Variants in PCLO observed in about 807,000 individuals in gnomAD.
The protein encoded by PCLO is piccolo presynaptic cytomatrix protein.
PCLO carries 82 observed loss-of-function variants against 427.5 expected under a neutral mutation model. The ratio of observed to expected loss-of-function variants is 0.19; its 90% confidence interval spans 0.16 to 0.23. The LOEUF (loss-of-function observed/expected upper bound fraction) is 0.23, where lower values mean the gene tolerates loss of function less well. Ranked by LOEUF, PCLO falls within the 10% of genes least tolerant of loss-of-function variation. PCLO has a pLI of 1.00. For synonymous variants in PCLO, 2,357 were observed against 2,155.4 expected (o/e 1.09, Z -2.59); for missense variants, 6,239 against 6,115.9 (o/e 1.02, Z -0.67).
intron 3 of PCLO, among the ~76,000 whole-genome samples, chr7:83,006,721 T>C (rs1787954703): frequency 6.6e-6 from 1 of 151,510 alleles, no homozygotes; most frequent in Admixed American, 6.6e-5. Flanking sequence ...ACTTTATAGA[T>C]GGAAATTCCT....
At chr7:82,853,721 T>C (rs1792728129) in intron 10 of PCLO, among the ~76,000 whole-genome samples, 1 of 152,162 alleles carries the variant, frequency 6.6e-6, no homozygotes, top group South Asian at 2.1e-4. Flanking sequence ...ACTGTTGACA[T>C]GTTCTTTTCA....
At chr7:82,895,117 T>A (rs1793870230) in intron 9 of PCLO, among the ~76,000 whole-genome samples, 1 of 151,952 alleles carries the variant, frequency 6.6e-6, no homozygotes, top group East Asian at 1.9e-4. Flanking sequence ...TCAAAATAAT[T>A]GAATCATACC....
chr7:82,981,735 A>C (rs1408813262), intron 3 of PCLO, among the ~76,000 whole-genome samples: 1 of 152,166 alleles, frequency 6.6e-6, no homozygotes, highest in East Asian at 1.9e-4. Flanking sequence ...TGGATATTAC[A>C]TTGCTTCATC....
Position 82,778,682 on chromosome 7 carries a change from G to A in PCLO, c.15008-17189C>T, listed in dbSNP as rs528102350. ...TATTTTTTGTTGCTTTTTACAATGT[G>A]AAGTACTAGTATTTTTTTTCCATGT... On this transcript the variant is annotated intron_variant, in intron 22 of 24. Transcript: ENST00000333891. Among the ~76,000 whole-genome samples, 192 of 152,048 alleles carry A rather than the reference G, an allele frequency of 1.3e-3. 1 individual carries two copies. Among genetic ancestry groups the A allele is most frequent in the Non-Finnish European group, 2.3e-3 (156 of 67,946 alleles).
At chr7:82,818,865 G>T (rs1791732061) in intron 20 of PCLO, among the ~76,000 whole-genome samples, 1 of 152,172 alleles carries the variant, frequency 6.6e-6, no homozygotes, top group Non-Finnish European at 1.5e-5. Flanking sequence ...CAAATGCAGA[G>T]TATTATTTTC....
Position 82,915,252 on chromosome 7 carries a change from A to G in PCLO, c.12734T>C (p.Leu4245Pro). 6.2e-7 allele frequency: 1 copy of G among 1,613,446 alleles called. No individual in the cohort carries two copies. Among genetic ancestry groups the G allele is most frequent in the Non-Finnish European group, 8.5e-7 (1 of 1,179,704 alleles). Residue 4245 changes from leucine (L) to proline (P), a missense_variant, in exon 7 of 25, where the codon CTC becomes CCC. Physicochemically the swap from Leu to Pro is moderately conservative, Grantham distance 98. Around this residue, in one of 5 missense-constraint regions of PCLO, gnomAD observed 680 missense variants for 677.3 expected, o/e 1.00. Transcript: ENST00000333891. ...RLLQDDITFGLRKNITDQQKF... is the reference protein window; with the variant it reads ...RLLQDDITFGPRKNITDQQKF... Reference sequence around the variant, plus strand: ...TTGTTGGTCTGTAATATTTTTTCTGAGGCCAAAAGTGATGTCATCTTGAAG... The same window carrying G: ...TTGTTGGTCTGTAATATTTTTTCTGGGGCCAAAAGTGATGTCATCTTGAAG...
chr7:83,145,211 G>A (rs1791963185), intron 2 of PCLO, among the ~76,000 whole-genome samples: 1 of 152,070 alleles, frequency 6.6e-6, no homozygotes, highest in South Asian at 2.1e-4. Context: ...GAACAGAGTG[G>A]CCTGCTTAGA....
chr7:83,149,110 A>C (rs1268349823), intron 2 of PCLO, among the ~76,000 whole-genome samples: 3 of 152,018 alleles, frequency 2.0e-5, no homozygotes, highest in African/African-American at 7.2e-5. Context: ...TCACCCTTTC[A>C]TTTGTGGATT....
intron 3 of PCLO, among the ~76,000 whole-genome samples, chr7:82,992,373 C>A (rs767944386): frequency 7.9e-5 from 12 of 152,038 alleles, no homozygotes; most frequent in Non-Finnish European, 1.5e-4. Context: ...ACAAAACAGT[C>A]ATTATTTAAG....
chr7:82,951,600 C>A, intron 5 of PCLO, 110 bp from the exon 6 acceptor site: 1 of 871,780 alleles, frequency 1.1e-6, no homozygotes, highest in East Asian at 2.7e-5. Context: ...CATGCAAATC[C>A]ACAGGGTAAC....
At chr7:83,144,971 G>GTAT (rs1193775064) in intron 2 of PCLO, among the ~76,000 whole-genome samples, 3 of 152,112 alleles carry the variant, frequency 2.0e-5, no homozygotes, top group Non-Finnish European at 4.4e-5. Flanking sequence ...TCTGTAAATG[G>GTAT]TATTGCAAGT....
intron 10 of PCLO, among the ~76,000 whole-genome samples, chr7:82,873,934 T>C (rs1334770285): frequency 6.6e-6 from 1 of 152,106 alleles, no homozygotes; most frequent in Non-Finnish European, 1.5e-5. Flanking sequence ...TGTATGTAAA[T>C]ATATGAGCAG....
chr7:82,862,556 G>C lies in PCLO; in HGVS notation c.13655-15309C>G, dbSNP rs915400754. On this transcript the variant is annotated intron_variant, in intron 10 of 24. Transcript: ENST00000333891. Reference sequence around the variant, plus strand: ...TAAGAATTGGAAGCAACCAGAGCAAGACTCTGCCTCAAAAAAAAAAAAAAA... The same window carrying C: ...TAAGAATTGGAAGCAACCAGAGCAACACTCTGCCTCAAAAAAAAAAAAAAA... Among the ~76,000 whole-genome samples, 4 of 109,970 alleles carry C rather than the reference G, an allele frequency of 3.6e-5. No homozygotes were observed. In the South Asian group the frequency reaches 1.2e-3, roughly 33 times the overall value. 72.1% of individuals were successfully genotyped at this position (109,970 alleles called of 152,430 possible). A position where few individuals can be genotyped will look rare whatever the true frequency, so the allele number is the denominator to read the frequency against.
At chr7:82,836,380 A>G (rs1306976416) in intron 15 of PCLO, among the ~76,000 whole-genome samples, 1 of 152,172 alleles carries the variant, frequency 6.6e-6, no homozygotes. Flanking sequence ...CAAAGGCGGA[A>G]TGAAGTTATC....
intron 9 of PCLO, among the ~76,000 whole-genome samples, chr7:82,898,888 T>A (rs1039097953): frequency 1.3e-5 from 2 of 151,500 alleles, no homozygotes; most frequent in Non-Finnish European, 3.0e-5. Context: ...TCCAACATTC[T>A]CTACACTTAG....
intron 3 of PCLO, among the ~76,000 whole-genome samples, chr7:83,069,570 CAT>C (rs1203764184): frequency 6.6e-6 from 1 of 152,078 alleles, no homozygotes; most frequent in Non-Finnish European, 1.5e-5. Flanking sequence ...TGTACTTTTA[CAT>C]ATACACACGT....
intron 22 of PCLO, among the ~76,000 whole-genome samples, chr7:82,795,395 A>T (rs1200466102): frequency 6.6e-6 from 1 of 152,210 alleles, no homozygotes; most frequent in East Asian, 1.9e-4. Context: ...TTGGCAAGCT[A>T]CATAGCACCT....
chr7:82,902,782 GAC>G (rs778411306), intron 8 of PCLO, 41 bp from the exon 9 acceptor site: 2 of 970,190 alleles, frequency 2.1e-6, no homozygotes, highest in East Asian at 4.8e-5. Flanking sequence ...CAGCATTAAA[GAC>G]ACTTAAAGTG....
intron 9 of PCLO, among the ~76,000 whole-genome samples, chr7:82,899,930 C>T (rs1793999840): frequency 1.3e-5 from 2 of 151,484 alleles, no homozygotes; most frequent in African/African-American, 2.4e-5. Flanking sequence ...TGAAGATTTC[C>T]ATTATACATC....
Sources: gnomAD v4.1 joint callset for allele counts (sites outside exome capture counted in the v4.1 genomes callset) on GRCh38, gnomAD v4.1.1 for gene constraint, gnomAD v4.1.1 regional missense constraint, MANE v1.5 for transcripts, NCBI Gene and HGNC (gene_info 2026-07-23, HGNC 2026-07-21) for gene names.